Variants in DOHH observed in about 807,000 individuals in gnomAD.
DOHH encodes the protein HEAT-like (PBS lyase) repeat containing 1.
A neutral mutation model predicts 19.9 loss-of-function variants in DOHH; 16 were observed. That is an observed-to-expected ratio of 0.80 (90% confidence interval 0.54 to 1.22). DOHH has a LOEUF of 1.22. Ranked by LOEUF, DOHH falls within the 50% of genes most tolerant of loss-of-function variation. The pLI is 0.00. For missense variants in DOHH, 460 were observed against 460.6 expected, an observed-to-expected ratio of 1.00 and a Z score of 0.01; for synonymous variants, 233 against 217.0, an observed-to-expected ratio of 1.07 and a Z score of -0.65.
At position 3,494,047 on chromosome 19, in the gene DOHH, G is replaced by T. The variant is rs750366983; in HGVS notation, c.332C>A (p.Ser111Tyr). 73 of 1,613,630 alleles carry T rather than the reference G, an allele frequency of 4.5e-5. 1 individual carries two copies. Among genetic ancestry groups the T allele is most frequent in the Non-Finnish European group, 2.5e-5 (30 of 1,179,800 alleles). Reference protein sequence around the residue: ...PEVLEILKQYSSDPVIEVAET... With the variant: ...PEVLEILKQYYSDPVIEVAET... ...GGTTACCTCGATGACGGGGTCCGAG[G>T]AATACTGCTTCAGGATCTCCAGAAC... Residue 111 changes from serine (S) to tyrosine (Y), a missense_variant, in exon 3 of 5, where the codon TCC becomes TAC. By Grantham distance (144) the Ser-to-Tyr change is moderately radical (BLOSUM62 -2). Transcript: ENST00000427575.
chr19:3,492,805 C>T (rs529515897), intron 3 of DOHH, among the ~76,000 whole-genome samples: 5 of 152,164 alleles, frequency 3.3e-5, no homozygotes, highest in Admixed American at 2.6e-4. Flanking sequence ...CAGGACCCTG[C>T]GGGAGGGGTG....
rs1321818065 is a variant in DOHH, at chr19:3,492,328, G to A, written c.523C>T (p.Arg175Ter). ...CGCAGGGCGAACATGGCGCGGTATCGCTCGAAGAGCGGCCGGGACTCATCC... is the reference window on the plus strand; with the variant it reads ...CGCAGGGCGAACATGGCGCGGTATCACTCGAAGAGCGGCCGGGACTCATCC... ...LLDESRPLFE[R>*]YRAMFALRNA... Residue 175 changes from arginine to a stop codon, truncating the protein, a stop_gained, in exon 4 of 5, where the codon CGA becomes TGA. Coordinates refer to ENST00000427575, the MANE Select transcript of DOHH (RefSeq NM_001145165.2). LOFTEE classifies it high-confidence loss of function. 3 of 1,543,940 alleles carry A rather than the reference G, an allele frequency of 1.9e-6. No individual in the cohort carries two copies. Among genetic ancestry groups the A allele is most frequent in the Admixed American group, 1.9e-5 (1 of 52,002 alleles).
chr19:3,496,546 T>C lies in DOHH; in HGVS notation c.269A>G (p.Glu90Gly), dbSNP rs2082908674. Residue 90 changes from glutamate (E) to glycine (G), a missense_variant, in exon 2 of 5, where the codon GAG becomes GGG. By Grantham distance (98) the Glu-to-Gly change is moderately conservative. Transcript: ENST00000427575. This position sits in a 1 kb window ranked among gnomAD's most constrained non-coding sequence, Gnocchi z 4.8. ...DTRQEPMVRH[E>G]AGEALGAIGD... ...GGACACAGACAGGTGCTCACCTGCC[T>C]CATGGCGCACCATGGGCTCCTGACG... 1 of 1,610,440 alleles carries C rather than the reference T, an allele frequency of 6.2e-7. No individual in the cohort carries two copies. Among genetic ancestry groups the C allele is most frequent in the Non-Finnish European group, 8.5e-7 (1 of 1,178,250 alleles).
intron 1 of DOHH, among the ~76,000 whole-genome samples, chr19:3,497,215 C>T (rs2082915502): frequency 6.6e-6 from 1 of 152,198 alleles, no homozygotes; most frequent in Non-Finnish European, 1.5e-5. Context: ...TAGCGATCCC[C>T]ACCCAATATT....
Position 3,494,120 on chromosome 19 carries a change from C to CGGAGAGCTCATGTT in DOHH, c.275-30_275-17dup. 1.2e-6 allele frequency: 2 copies of CGGAGAGCTCATGTT among 1,610,880 alleles called. No individual in the cohort carries two copies. The highest frequency in any genetic ancestry group is 1.7e-6 in the Non-Finnish European group (2 of 1,177,692). ...AGGGCCTCCCCTGGGAAGAAGCAGC[C>CGGAGAGCTCATGTT]GGAGAGCTCATGTTGGTGGGGTGGA... On this transcript the variant is annotated splice_polypyrimidine_tract_variant and intron_variant, in intron 2 of 4. Transcript: ENST00000427575.
At position 3,500,667 on chromosome 19, in the gene DOHH, A is replaced by G. The variant is rs963827102; in HGVS notation, c.-179T>C. 2 of 152,222 alleles carry G rather than the reference A, an allele frequency of 1.3e-5. No individual in the cohort carries two copies. The highest frequency in any genetic ancestry group is 4.8e-5 in the African/African-American group (2 of 41,456). The allele number at this position is 152,222 out of a possible 1,614,324, so 9.4% of individuals were successfully genotyped here. The stretch of plus-strand genomic sequence containing the variant: ...CCCGCAGTGCGGTCTGGGGGCCGCC[A>G]TTTTCTCGCCCACGTGACCGTGCCG... On this transcript the variant is annotated 5_prime_UTR_variant, in exon 1 of 5. The change abolishes an upstream ATG in the 5' untranslated region. Transcript: ENST00000427575.
chr19:3,500,387 CTT>C (rs1230934271), intron 1 of DOHH, among the ~76,000 whole-genome samples, 172 bp downstream of exon 1: 1 of 152,228 alleles, frequency 6.6e-6, no homozygotes, highest in Non-Finnish European at 1.5e-5. Context: ...GGTGGGCACT[CTT>C]TCATGTAAAA....
intron 3 of DOHH, among the ~76,000 whole-genome samples, chr19:3,493,022 CA>C (rs141956941): frequency 0.079 from 12,031 of 152,230 alleles, 1,637 homozygotes; most frequent in African/African-American, 0.27. Context: ...CAAGAAGTGG[CA>C]GGGGAGAAAG....
intron 3 of DOHH, among the ~76,000 whole-genome samples, chr19:3,493,799 G>A (rs1004017460): frequency 3.9e-5 from 6 of 152,168 alleles, no homozygotes; most frequent in African/African-American, 4.8e-5. Context: ...GGATGGAAGC[G>A]GGTGAGCAAA....
chr19:3,497,515 A>G (rs1368545985), intron 1 of DOHH, among the ~76,000 whole-genome samples: 2 of 152,196 alleles, frequency 1.3e-5, no homozygotes, highest in East Asian at 3.8e-4. Context: ...GCAGCCCCAG[A>G]GCGTCTCCAC....
intron 2 of DOHH, among the ~76,000 whole-genome samples, chr19:3,495,641 G>A (rs1442745398): frequency 1.3e-5 from 2 of 152,202 alleles, no homozygotes; most frequent in Non-Finnish European, 2.9e-5. Context: ...GGGGTGCGAT[G>A]GCTCATGCCT....
intron 1 of DOHH, among the ~76,000 whole-genome samples, chr19:3,498,783 C>T (rs2082928553): frequency 6.6e-6 from 1 of 152,142 alleles, no homozygotes; most frequent in Admixed American, 6.6e-5. Context: ...CCCCAAACCT[C>T]CATGATTTAG....
Position 3,491,301 on chromosome 19 carries a change from C to G in DOHH, c.*191G>C. The G allele has an allele frequency of 1.6e-6, 1 of 636,836 alleles. No homozygotes were observed. Among genetic ancestry groups the G allele is most frequent in the South Asian group, 2.0e-5 (1 of 49,722 alleles). The allele number at this position is 636,836 out of a possible 1,614,324, so 39.4% of individuals were successfully genotyped here. ...CCTGCGCCAGGCCCCGAGGAGCAGT[C>G]AGGGGACTCAGGGAGTCACAGCACA... On this transcript the variant is annotated 3_prime_UTR_variant, in exon 5 of 5. Coordinates refer to ENST00000427575, the MANE Select transcript of DOHH (RefSeq NM_001145165.2). The surrounding 1 kb of genome is among the most constrained non-coding windows in gnomAD (Gnocchi z 5.6).
chr19:3,496,815 C>G lies in DOHH; in HGVS notation c.-1G>C. ...CATCCACCTCCTGCTCCGTCACCAT[C>G]GTGCTGTCAATGGGTCCCGGCCTTC... On this transcript the variant is annotated 5_prime_UTR_variant, in exon 2 of 5. Transcript: ENST00000427575. The surrounding 1 kb of genome is among the most constrained non-coding windows in gnomAD (Gnocchi z 4.8). The G allele has an allele frequency of 6.3e-7, 1 of 1,580,850 alleles. No individual in the cohort carries two copies. Among genetic ancestry groups the G allele is most frequent in the South Asian group, 1.1e-5 (1 of 90,058 alleles).
Position 3,496,871 on chromosome 19 carries a change from G to A in DOHH, c.-57C>T, listed in dbSNP as rs180958748. 444 of 1,415,314 alleles carry A rather than the reference G, an allele frequency of 3.1e-4. 2 individuals are homozygous for A. The African/African-American group carries it at 5.1e-3, about 16-fold the overall frequency. The allele number at this position is 1,415,314 out of a possible 1,614,324, so 87.7% of individuals were successfully genotyped here. A position where few individuals can be genotyped will look rare whatever the true frequency, so the allele number is the denominator to read the frequency against. ...CCCTGCTCAGGCTAAACCTGGGGAC[G>A]CGGGGATGTAAGAACCTGTGGCAGA... On this transcript the variant is annotated 5_prime_UTR_variant, in exon 2 of 5. Transcript: ENST00000427575. This position sits in a 1 kb window ranked among gnomAD's most constrained non-coding sequence, Gnocchi z 4.8.
chr19:3,491,696 G>A lies in DOHH; in HGVS notation c.705C>T (p.Asn235=). ...CCGCGCACTCGTGCCGCACCATGGG[G>A]TTCTCGGTGCATCGGGCCAGGGCGG... is the stretch of plus-strand genomic sequence containing the variant. ...LAAALARCTE[N]PMVRHECAEA... is the part of the protein sequence containing the mutation. Residue 235 remains asparagine (N), a synonymous_variant, in exon 5 of 5, where the codon AAC becomes AAT. Coordinates refer to ENST00000427575, the MANE Select transcript of DOHH (RefSeq NM_001145165.2). This position sits in a 1 kb window ranked among gnomAD's most constrained non-coding sequence, Gnocchi z 5.6. 1 of 1,527,386 alleles carries A rather than the reference G, an allele frequency of 6.5e-7. No homozygotes were observed. The highest frequency in any genetic ancestry group is 1.2e-5 in the South Asian group (1 of 83,048). The allele number at this position is 1,527,386 out of a possible 1,614,324, so 94.6% of individuals were successfully genotyped here.
At chr19:3,497,463 C>G (rs1208936516) in intron 1 of DOHH, among the ~76,000 whole-genome samples, 1 of 152,192 alleles carries the variant, frequency 6.6e-6, no homozygotes, top group Non-Finnish European at 1.5e-5. Context: ...GAGAAGTGGG[C>G]TGGCAGCAGC....
intron 4 of DOHH, among the ~76,000 whole-genome samples, chr19:3,492,030 A>G (rs2082873612): frequency 6.6e-6 from 1 of 152,082 alleles, no homozygotes; most frequent in Admixed American, 6.5e-5. Flanking sequence ...AGCCCCAGTG[A>G]TTAGGGATGC....
Position 3,494,068 on chromosome 19 carries a change from A to G in DOHH, c.311T>C (p.Leu104Pro). ...ALGAIGDPEV[L>P]EILKQYSSDP... Reference sequence around the variant, plus strand: ...CGAGGAATACTGCTTCAGGATCTCCAGAACTTCCGGGTCCCCGATGGCCCC... The same window carrying G: ...CGAGGAATACTGCTTCAGGATCTCCGGAACTTCCGGGTCCCCGATGGCCCC... Residue 104 changes from leucine to proline, a missense_variant, in exon 3 of 5, where the codon CTG becomes CCG. Leu to Pro is a moderately conservative substitution (Grantham distance 98). Coordinates refer to ENST00000427575, the MANE Select transcript of DOHH (RefSeq NM_001145165.2). The G allele has an allele frequency of 1.2e-6, 2 of 1,613,886 alleles. No individual in the cohort carries two copies.
Sources: gnomAD v4.1 joint callset for allele counts (sites outside exome capture counted in the v4.1 genomes callset) on GRCh38, gnomAD v4.1.1 for gene constraint, Gnocchi (gnomAD v3.1) non-coding constraint, MANE v1.5 for transcripts, NCBI Gene and HGNC (gene_info 2026-07-23, HGNC 2026-07-21) for gene names.